The following EIF4G3 variants were observed in gnomAD, a reference collection of about 807,000 sequenced individuals.
The protein encoded by EIF4G3 is eukaryotic translation initiation factor 4 gamma 3, also known as eIF-4-gamma 3.
Under a neutral mutation model 186.4 loss-of-function variants are expected in EIF4G3, and 34 were observed. The observed-to-expected ratio is 0.18, with a 90% CI of 0.14 to 0.24. EIF4G3 has a LOEUF of 0.24. EIF4G3 is among the 10% of genes least tolerant of loss of function. The probability of loss-of-function intolerance (pLI) is 1.00; values close to 1 mark genes in which losing one functional copy is unlikely to be tolerated. For missense variants in EIF4G3, 1,536 were observed against 1,948.5 expected (o/e 0.79, Z 3.99); for synonymous variants, 673 against 679.5 (o/e 0.99, Z 0.15).
chr1:20,853,479 A>G, intron 27 of EIF4G3, 81 bp downstream of exon 27: 1 of 875,216 alleles, frequency 1.1e-6, no homozygotes, highest in East Asian at 2.4e-5. Flanking sequence ...AAGGATTGCT[A>G]TCAAAACCCT....
intron 3 of EIF4G3, among the ~76,000 whole-genome samples, chr1:21,053,416 T>TG (rs947508849): frequency 1.1e-4 from 15 of 137,540 alleles, no homozygotes; most frequent in East Asian, 2.3e-4. Context: ...GGAAGGGAGG[T>TG]GGGGGGGTTA....
At chr1:20,813,334 CAGG>C in intron 34 of EIF4G3, 95 bp from the exon 35 acceptor site, 2 of 688,312 alleles carry the variant, frequency 2.9e-6, no homozygotes. Context: ...GAGGCCGAGA[CAGG>C]AGGATCACTT....
At chr1:20,853,767 A>C (rs1439433387) in intron 26 of EIF4G3, 90 bp from the exon 27 acceptor site, 1 of 903,800 alleles carries the variant, frequency 1.1e-6, no homozygotes, top group Admixed American at 1.9e-5. Flanking sequence ...GAGGCCTGAG[A>C]CCAGGCATTC....
Position 20,893,967 on chromosome 1 carries a change from G to T in EIF4G3, c.2134-331C>A, listed in dbSNP as rs191143864. Among the ~76,000 whole-genome samples the T allele has an allele frequency of 2.3e-4, 34 of 150,466 alleles. No individual in the cohort carries two copies. In the East Asian group the frequency reaches 5.1e-3, roughly 22 times the overall value. On this transcript the variant is annotated intron_variant, in intron 17 of 36. Coordinates refer to ENST00000602326, the MANE Select transcript of EIF4G3 (RefSeq NM_001391906.1). ...ATATTTTGAGATCCTCTATACTAGG[G>T]TCAAATTTTAGAATTAAAAAAAAAT...
intron 4 of EIF4G3, among the ~76,000 whole-genome samples, chr1:21,013,487 GTTCTGGC>G (rs2087831177): frequency 6.6e-6 from 1 of 152,122 alleles, no homozygotes; most frequent in Non-Finnish European, 1.5e-5. Flanking sequence ...TGTTTGCATC[GTTCTGGC>G]TTGTCTGGGG....
At chr1:20,972,887 A>T in intron 11 of EIF4G3, 115 bp downstream of exon 11, 1 of 830,828 alleles carries the variant, frequency 1.2e-6, no homozygotes, top group Non-Finnish European at 1.8e-6. Flanking sequence ...GGAAGAATAA[A>T]AAAAAAAAAG....
chr1:20,871,850 G>A (rs1329948467), intron 20 of EIF4G3, among the ~76,000 whole-genome samples: 2 of 151,806 alleles, frequency 1.3e-5, no homozygotes, highest in Non-Finnish European at 2.9e-5. Flanking sequence ...TTGAGACAGG[G>A]TCTCGCTCTG....
chr1:20,821,400 T>C (rs113119378), intron 33 of EIF4G3, among the ~76,000 whole-genome samples: 22 of 152,314 alleles, frequency 1.4e-4, no homozygotes, highest in African/African-American at 5.3e-4. Flanking sequence ...CTGAAATTTA[T>C]CAGACTCTTT....
At chr1:21,010,432 A>G (rs6426654) in intron 4 of EIF4G3, among the ~76,000 whole-genome samples, 48,883 of 140,440 alleles carry the variant, frequency 0.35, 9,074 homozygotes, top group Non-Finnish European at 0.42. Flanking sequence ...AAAAAAAAAA[A>G]AAAAAGAAAA....
At chr1:20,958,213 T>C (rs1488400011) in intron 12 of EIF4G3, among the ~76,000 whole-genome samples, 2 of 152,142 alleles carry the variant, frequency 1.3e-5, no homozygotes, top group Non-Finnish European at 2.9e-5. Context: ...ATCAAGTGGG[T>C]TTTATTTCAA....
At chr1:21,151,232 C>CTTTTTTTT (rs1385422514) in intron 2 of EIF4G3, among the ~76,000 whole-genome samples, 1 of 33,836 alleles carries the variant, frequency 3.0e-5, no homozygotes, top group Non-Finnish European at 6.5e-5. Context: ...TATAGTATTT[C>CTTTTTTTT]TTTCTTTTTT....
intron 3 of EIF4G3, among the ~76,000 whole-genome samples, chr1:21,057,682 C>T (rs2094629000): frequency 6.6e-6 from 1 of 151,894 alleles, no homozygotes; most frequent in South Asian, 2.1e-4. Context: ...AATCCTCTTC[C>T]ACACCACCTA....
Position 20,864,667 on chromosome 1 carries a change from C to A in EIF4G3, c.2815G>T (p.Asp939Tyr). The A allele has an allele frequency of 6.2e-7, 1 of 1,614,152 alleles. No homozygotes were observed. Among genetic ancestry groups the A allele is most frequent in the Non-Finnish European group, 8.5e-7 (1 of 1,180,026 alleles). The change falls in exon 22 of 37, where the codon GAC becomes TAC. Residue 939 changes from aspartate to tyrosine, a missense_variant. By Grantham distance (160) the Asp-to-Tyr change is radical. This residue lies in a region of EIF4G3 where 77 missense variants were observed against 131.6 expected (regional missense o/e 0.59). Coordinates refer to ENST00000602326, the MANE Select transcript of EIF4G3 (RefSeq NM_001391906.1). ...RLHDELEEAK[D>Y]KARRRSIGNI... is the part of the protein sequence containing the mutation. ...CCAATGGATCTCCGCCGGGCTTTGT[C>A]CTTGGCTTCTTCCAGTTCATCATGA...
At chr1:20,847,362 A>G (rs920390646) in intron 29 of EIF4G3, among the ~76,000 whole-genome samples, 7 of 152,156 alleles carry the variant, frequency 4.6e-5, no homozygotes, top group African/African-American at 7.2e-5. Context: ...CTAAAGATAC[A>G]ACGATTCTGC....
At chr1:21,064,854 C>T (rs1376976764) in intron 3 of EIF4G3, 2 of 152,174 alleles carry the variant, frequency 1.3e-5, no homozygotes, top group South Asian at 2.1e-4. Flanking sequence ...GGAGTGAAGA[C>T]TTTTAACATC....
At chr1:21,053,498 TGA>T (rs1291130063) in intron 3 of EIF4G3, among the ~76,000 whole-genome samples, 2 of 118,288 alleles carry the variant, frequency 1.7e-5, no homozygotes, top group Non-Finnish European at 3.6e-5. Context: ...TACTGGGAAG[TGA>T]GGAGTCCCTC....
At chr1:21,144,249 CTATTTATT>C in intron 2 of EIF4G3, among the ~76,000 whole-genome samples, 1 of 152,088 alleles carries the variant, frequency 6.6e-6, no homozygotes, top group African/African-American at 2.4e-5. Flanking sequence ...CTGCTTCAAT[CTATTTATT>C]TATTTATTTT....
chr1:20,825,256 A>G (rs1014334672), intron 32 of EIF4G3, 58 bp from the exon 33 acceptor site: 9 of 1,181,438 alleles, frequency 7.6e-6, no homozygotes, highest in Middle Eastern at 2.0e-4. Flanking sequence ...AAACAGAAAA[A>G]AAAAAAAAAA....
intron 33 of EIF4G3, among the ~76,000 whole-genome samples, chr1:20,823,493 T>C (rs2062891538): frequency 6.6e-6 from 1 of 152,168 alleles, no homozygotes; most frequent in African/African-American, 2.4e-5. Context: ...GTGATCCTTC[T>C]GCCTCAGTCT....
Sources: allele counts gnomAD v4.1 joint callset (sites outside exome capture counted in the v4.1 genomes callset), GRCh38; gene constraint gnomAD v4.1.1; regional missense constraint gnomAD v4.1.1; transcripts MANE v1.5; gene names NCBI Gene and HGNC (gene_info 2026-07-23, HGNC 2026-07-21).